The following ELP2 variants were observed in gnomAD, a reference collection of about 807,000 sequenced individuals.
ELP2 encodes elongator complex protein 2.
Under a neutral mutation model 119.2 loss-of-function variants are expected in ELP2, and 90 were observed. The ratio of observed to expected loss-of-function variants is 0.75; its 90% CI spans 0.64 to 0.90. The LOEUF is 0.90. Ranked by LOEUF, ELP2 falls within the 40% of genes least tolerant of loss-of-function variation. The pLI, the probability that ELP2 is intolerant of heterozygous loss-of-function variation, is 0.00. For synonymous variants in ELP2, 339 were observed against 331.0 expected (o/e 1.02, Z -0.26); for missense variants, 921 against 967.8 (o/e 0.95, Z 0.64).
At chr18:36,133,914 T>G (rs1002226454) in intron 2 of ELP2, among the ~76,000 whole-genome samples, 2 of 130,520 alleles carry the variant, frequency 1.5e-5, no homozygotes, top group Non-Finnish European at 3.2e-5. Context: ...TTTTTTTTTT[T>G]TTTTTTTTTT....
chr18:36,152,705 T>C (rs964330628), intron 11 of ELP2, among the ~76,000 whole-genome samples: 4 of 152,250 alleles, frequency 2.6e-5, no homozygotes. Flanking sequence ...ATCTCCCGTG[T>C]GTCTGGATTA....
In ELP2 at chr18:36,138,980, T is replaced by C. The variant is rs757324542; in HGVS notation, c.523+108T>C. The C allele has an allele frequency of 8.4e-4, 720 of 852,806 alleles. 9 individuals are homozygous for C. Among genetic ancestry groups the C allele is most frequent in the Non-Finnish European group, 1.3e-3 (628 of 501,962 alleles). 52.8% of individuals were successfully genotyped at this position (852,806 alleles called of 1,614,324 possible). A position where few individuals can be genotyped will look rare whatever the true frequency, so the allele number is the denominator to read the frequency against. ...GGTCTTAATTTTGTATCTGAATGTT[T>C]CTATGAAACAAGATGTGAATAACAT... On this transcript the variant is annotated intron_variant, in intron 5 of 21. Coordinates refer to ENST00000358232, the MANE Select transcript of ELP2 (RefSeq NM_018255.4).
At chr18:36,161,824 C>T (rs544365228) in intron 17 of ELP2, among the ~76,000 whole-genome samples, 147 of 152,248 alleles carry the variant, frequency 9.7e-4, no homozygotes, top group Admixed American at 5.1e-3. Flanking sequence ...ACACCCACCC[C>T]TACCCCACTT....
In ELP2 at chr18:36,178,925, A is replaced by G. The variant is rs953058572; in HGVS notation, c.*4284A>G. The G allele has an allele frequency of 6.6e-6, 1 of 152,154 alleles. No homozygotes were observed. The highest frequency in any genetic ancestry group is 1.5e-5 in the Non-Finnish European group (1 of 68,032). 9.4% of individuals were successfully genotyped at this position (152,154 alleles called of 1,614,324 possible). ...TTTTTAATATACTTAAAATTTCCTT[A>G]TAAGAATTGTTTAGAAAGAATGAGC... On this transcript the variant is annotated 3_prime_UTR_variant, in exon 22 of 22. Transcript: ENST00000358232.
At position 36,164,639 on chromosome 18, in the gene ELP2, A is replaced by G; in HGVS notation, c.1926A>G (p.Lys642=). The G allele has an allele frequency of 1.2e-6, 2 of 1,614,132 alleles. No homozygotes were observed. Among genetic ancestry groups the G allele is most frequent in the Non-Finnish European group, 1.7e-6 (2 of 1,180,000 alleles). ...VSRDRTWSLW[K]KQDTISPEFE... ...GAGATCGAACCTGGTCATTGTGGAA[A>G]AAGCAGGATACAATCTCACCTGAGT... The change falls in exon 18 of 22, where the codon AAA becomes AAG. Residue 642 remains lysine (K), a synonymous_variant. Transcript: ENST00000358232.
intron 11 of ELP2, among the ~76,000 whole-genome samples, chr18:36,149,293 T>G (rs2090311033): frequency 6.6e-6 from 1 of 152,126 alleles, no homozygotes; most frequent in Non-Finnish European, 1.5e-5. Flanking sequence ...GTCTACTACG[T>G]TCAGACAGGA....
intron 1 of ELP2, among the ~76,000 whole-genome samples, chr18:36,131,968 G>A (rs1344421402): frequency 8.4e-6 from 1 of 118,806 alleles, no homozygotes; most frequent in Non-Finnish European, 1.6e-5. Context: ...TGTAGTGACA[G>A]TAACTGCTCA....
rs780652067 is a variant in ELP2, at chr18:36,171,072, TG to T, written c.2237del (p.Cys746LeufsTer18). 22 of 1,613,720 alleles carry T rather than the reference TG, an allele frequency of 1.4e-5. No homozygotes were observed. Among genetic ancestry groups the T allele is most frequent in the Non-Finnish European group, 1.9e-5 (22 of 1,179,584 alleles). Reference sequence around the variant, plus strand: ...ATACGTGGTTGCAGTAGGATTGGAGTGTGGAAAGATTTGCTTATATACCTGG... The same window carrying T: ...ATACGTGGTTGCAGTAGGATTGGAGTTGGAAAGATTTGCTTATATACCTGG... ...QRYVVAVGLE[C>X]GKICLYTWKK... On this transcript the variant is annotated frameshift_variant, in exon 21 of 22. Transcript: ENST00000358232. LOFTEE classifies it high-confidence loss of function.
intron 7 of ELP2, 102 bp downstream of exon 7, chr18:36,142,449 G>T: frequency 2.0e-6 from 2 of 1,003,784 alleles, no homozygotes; most frequent in Admixed American, 3.5e-5. Flanking sequence ...TTCTTTGTAT[G>T]TTATGTTTTT....
chr18:36,141,318 A>G (rs1484677958), intron 6 of ELP2, 117 bp downstream of exon 6: 2 of 865,228 alleles, frequency 2.3e-6, no homozygotes, highest in African/African-American at 1.7e-5. Flanking sequence ...AAAATAATCC[A>G]ATAGAATCTT....
Position 36,145,953 on chromosome 18 carries a change from G to A in ELP2, c.898G>A (p.Val300Ile), listed in dbSNP as rs780783242. The A allele has an allele frequency of 1.2e-6, 2 of 1,612,846 alleles. No homozygotes were observed. Among genetic ancestry groups the A allele is most frequent in the South Asian group, 1.1e-5 (1 of 91,066 alleles). ...HWQPVFYKDG[V>I]LQQPVRLLSA... ...GATTAGGTTTTATTTTTTAGATGGT[G>A]TCCTACAGCAGCCAGTGAGATTATT... The change falls in exon 10 of 22, where the codon GTC becomes ATC. Residue 300 changes from valine (V) to isoleucine (I), a missense_variant. Val to Ile is a conservative substitution (Grantham distance 29). Transcript: ENST00000358232.
At chr18:36,148,098 G>GTTT (rs551791532) in intron 11 of ELP2, among the ~76,000 whole-genome samples, 3 of 143,634 alleles carry the variant, frequency 2.1e-5, no homozygotes, top group South Asian at 2.2e-4. Flanking sequence ...TCAGGTTTTT[G>GTTT]TTTTTTTTTT....
At chr18:36,151,914 AT>A (rs528860040) in intron 11 of ELP2, among the ~76,000 whole-genome samples, 61 of 144,964 alleles carry the variant, frequency 4.2e-4, no homozygotes, top group Admixed American at 4.8e-4. Flanking sequence ...TGCCCGGCTA[AT>A]TTTTTTTTTT....
chr18:36,158,182 C>T (rs2090628188), intron 13 of ELP2, among the ~76,000 whole-genome samples: 1 of 152,100 alleles, frequency 6.6e-6, no homozygotes, highest in African/African-American at 2.4e-5. Context: ...TGTCTAGTTT[C>T]AGCTTCTGTG....
intron 12 of ELP2, among the ~76,000 whole-genome samples, chr18:36,155,264 T>TCCCCCC (rs60227416): frequency 1.0e-5 from 1 of 100,286 alleles, no homozygotes; most frequent in Non-Finnish European, 1.9e-5. Context: ...GCACCGCCCC[T>TCCCCCC]CCCCCCCCCC....
At chr18:36,156,434 A>G (rs2090574818) in intron 12 of ELP2, 32 bp from the exon 13 acceptor site, 2 of 1,607,712 alleles carry the variant, frequency 1.2e-6, no homozygotes, top group African/African-American at 1.3e-5. Context: ...CAGCTTTTGA[A>G]TGATCATTTT....
Position 36,175,324 on chromosome 18 carries a change from A to AT in ELP2, c.*687dup, listed in dbSNP as rs35906276. ...AAAGAGAGGAAACCTAGATTACTTA[A>AT]TTTTATTTTAACATTTTCTATAGAT... is the stretch of plus-strand genomic sequence containing the variant. On this transcript the variant is annotated 3_prime_UTR_variant, in exon 22 of 22. Transcript: ENST00000358232. The AT allele has an allele frequency of 0.36, 54,074 of 151,956 alleles. 9,705 individuals carry two copies. The highest frequency in any genetic ancestry group is 0.44 in the Middle Eastern group (129 of 294). The allele number at this position is 151,956 out of a possible 1,614,324, so 9.4% of individuals were successfully genotyped here.
At chr18:36,164,115 A>T (rs2090822399) in intron 17 of ELP2, among the ~76,000 whole-genome samples, 1 of 152,108 alleles carries the variant, frequency 6.6e-6, no homozygotes, top group Non-Finnish European at 1.5e-5. Context: ...TTATTTTGGG[A>T]TAATTTTCAT....
chr18:36,160,193 TTA>T (rs2090692160), intron 16 of ELP2, among the ~76,000 whole-genome samples, 178 bp downstream of exon 16: 2 of 152,200 alleles, frequency 1.3e-5, no homozygotes, highest in Non-Finnish European at 1.5e-5. Flanking sequence ...ACGTTTATTT[TTA>T]TATTACTGTT....
Sources: gnomAD v4.1 joint callset for allele counts (sites outside exome capture counted in the v4.1 genomes callset) on GRCh38, gnomAD v4.1.1 for gene constraint, MANE v1.5 for transcripts, NCBI Gene and HGNC (gene_info 2026-07-23, HGNC 2026-07-21) for gene names.